Variants in TENM3 observed in about 807,000 individuals in gnomAD.
TENM3 encodes teneurin-3.
Under a neutral mutation model 255.1 loss-of-function variants are expected in TENM3, and 63 were observed. The observed-to-expected ratio is 0.25, with a 90% CI of 0.20 to 0.30. The LOEUF (loss-of-function observed/expected upper bound fraction) is 0.30. Among genes scored for constraint, TENM3 ranks in the 10% least tolerant of loss-of-function variants. TENM3 has a pLI of 1.00. For synonymous variants in TENM3, 1,306 were observed against 1,322.3 expected, an observed-to-expected ratio of 0.99 and a Z score of 0.27; for missense variants, 2,929 against 3,461.1, an observed-to-expected ratio of 0.85 and a Z score of 3.86.
chr4:181,771,504 G>C, the TENM3 span, among the ~76,000 whole-genome samples: 1 of 152,156 alleles, frequency 6.6e-6, no homozygotes, highest in Non-Finnish European at 1.5e-5. Flanking sequence ...TGTTATAGGG[G>C]GTCAATGTCA....
the TENM3 span, among the ~76,000 whole-genome samples, chr4:182,094,540 G>GCAGC: frequency 4.0e-4 from 61 of 152,232 alleles, no homozygotes; most frequent in Middle Eastern, 3.4e-3. Context: ...GCCACGGCAC[G>GCAGC]CAGCCAGCCA....
intron 3 of TENM3, among the ~76,000 whole-genome samples, chr4:182,578,927 T>G (rs954087483): frequency 6.6e-5 from 10 of 152,202 alleles, no homozygotes; most frequent in African/African-American, 1.9e-4. Flanking sequence ...AGTCTACACT[T>G]TAAGCCTTCG....
the TENM3 span, among the ~76,000 whole-genome samples, chr4:181,724,971 C>T: frequency 6.6e-6 from 1 of 152,116 alleles, no homozygotes. Flanking sequence ...CAATATATAC[C>T]TATTTCTTTA....
chr4:182,082,258 G>A, the TENM3 span, among the ~76,000 whole-genome samples: 1 of 152,080 alleles, frequency 6.6e-6, no homozygotes, highest in Non-Finnish European at 1.5e-5. Flanking sequence ...TCCTCACATG[G>A]CAGAAAGAGC....
chr4:181,912,583 A>G, the TENM3 span, among the ~76,000 whole-genome samples: 1 of 151,982 alleles, frequency 6.6e-6, no homozygotes, highest in Non-Finnish European at 1.5e-5. Flanking sequence ...ACTTGAGGTC[A>G]GGAGTTCAAG....
At chr4:181,578,356 T>C in the TENM3 span, among the ~76,000 whole-genome samples, 2,223 of 152,258 alleles carry the variant, frequency 0.015, 49 homozygotes, top group African/African-American at 0.051. Flanking sequence ...CCTTTCTCCC[T>C]GCTCCCTGAG....
chr4:182,788,015 A>G (rs576657593), intron 24 of TENM3, among the ~76,000 whole-genome samples: 3 of 152,218 alleles, frequency 2.0e-5, no homozygotes, highest in Non-Finnish European at 4.4e-5. Flanking sequence ...TGATGTATGT[A>G]TATACACATA....
chr4:182,018,884 GA>G, the TENM3 span, among the ~76,000 whole-genome samples: 1 of 152,074 alleles, frequency 6.6e-6, no homozygotes, highest in Non-Finnish European at 1.5e-5. Flanking sequence ...TCATAGTAAA[GA>G]AAACAGTGGC....
At chr4:182,569,504 A>G (rs1351427020) in intron 3 of TENM3, among the ~76,000 whole-genome samples, 2 of 152,022 alleles carry the variant, frequency 1.3e-5, no homozygotes, top group African/African-American at 4.8e-5. Context: ...CAGCAAGCCA[A>G]TATTGCGCCA....
intron 3 of TENM3, among the ~76,000 whole-genome samples, chr4:182,473,640 T>G (rs1346872019): frequency 3.9e-5 from 6 of 151,932 alleles, no homozygotes; most frequent in Admixed American, 2.0e-4. Flanking sequence ...GCCGCTGCAC[T>G]CCAGCCTGGG....
In TENM3 at chr4:182,679,728, T is replaced by G. The variant is rs1461371893; in HGVS notation, c.1389T>G (p.Leu463=). ...RLIAREQRSL[L]ETERAGRQAR... ...TTGCCAGAGAGCAGCGGAGCCTGCT[T>G]GAGACGGAGAGAGCCGGGCGGCAGG... Residue 463 remains leucine (L), a synonymous_variant, in exon 8 of 28, where the codon CTT becomes CTG. Coordinates refer to ENST00000511685, the MANE Select transcript of TENM3 (RefSeq NM_001080477.4). 4.3e-6 allele frequency: 7 copies of G among 1,613,574 alleles called. No individual in the cohort carries two copies. Among genetic ancestry groups the G allele is most frequent in the African/African-American group, 2.7e-5 (2 of 74,910 alleles).
the TENM3 span, among the ~76,000 whole-genome samples, chr4:181,760,571 A>G: frequency 1.3e-5 from 2 of 152,136 alleles, no homozygotes; most frequent in Admixed American, 6.6e-5. Flanking sequence ...AGTGGGATCT[A>G]TGACCTAAAA....
chr4:181,524,831 G>A, the TENM3 span, among the ~76,000 whole-genome samples: 3 of 152,218 alleles, frequency 2.0e-5, no homozygotes, highest in African/African-American at 7.2e-5. Flanking sequence ...AGAATTTTGC[G>A]CGGTTCCTTT....
chr4:181,986,500 A>G, the TENM3 span, among the ~76,000 whole-genome samples: 1 of 152,052 alleles, frequency 6.6e-6, no homozygotes, highest in Non-Finnish European at 1.5e-5. Context: ...ATAATTAAGA[A>G]CATCCTCATA....
the TENM3 span, among the ~76,000 whole-genome samples, chr4:181,904,353 T>A: frequency 6.6e-6 from 1 of 152,070 alleles, no homozygotes; most frequent in African/African-American, 2.4e-5. Flanking sequence ...CTTACAAGAT[T>A]AAAATATTCT....
intron 1 of TENM3, among the ~76,000 whole-genome samples, chr4:182,174,443 G>A (rs1212334983): frequency 3.5e-5 from 3 of 84,722 alleles, no homozygotes; most frequent in African/African-American, 1.4e-4. Context: ...CACTCTTTTT[G>A]TGTTTTTTTT....
chr4:181,965,833 T>C, the TENM3 span, among the ~76,000 whole-genome samples: 3 of 152,164 alleles, frequency 2.0e-5, no homozygotes, highest in African/African-American at 7.2e-5. Context: ...TCCACCTCTA[T>C]AGAGTGGCTC....
intron 3 of TENM3, among the ~76,000 whole-genome samples, chr4:182,375,225 T>C (rs1767094823): frequency 6.6e-6 from 1 of 152,098 alleles, no homozygotes; most frequent in Non-Finnish European, 1.5e-5. Context: ...GTTATCTGTT[T>C]ACCTGTCTTA....
chr4:181,799,712 G>T, the TENM3 span, among the ~76,000 whole-genome samples: 18 of 124,018 alleles, frequency 1.5e-4, no homozygotes, highest in South Asian at 4.7e-3. Flanking sequence ...GCAGGTAAAT[G>T]CCTGGGATAA....
Sources: gnomAD v4.1 joint callset for allele counts (sites outside exome capture counted in the v4.1 genomes callset) on GRCh38, gnomAD v4.1.1 for gene constraint, MANE v1.5 for transcripts, NCBI Gene and HGNC (gene_info 2026-07-23, HGNC 2026-07-21) for gene names.